Variants in ANKRD42 observed in about 807,000 individuals in gnomAD.
The protein encoded by ANKRD42 is ankyrin repeat domain 42, also known as ankyrin repeat domain-containing protein 42.
Under a neutral mutation model 51.5 loss-of-function variants are expected in ANKRD42, and 43 were observed. That is an observed-to-expected ratio of 0.83 (90% CI 0.65 to 1.08). The LOEUF is 1.08. Among genes scored for constraint, ANKRD42 ranks in the 50% least tolerant of loss-of-function variants. The pLI is 0.00. For synonymous variants in ANKRD42, 203 were observed against 213.0 expected, an observed-to-expected ratio of 0.95 and a Z score of 0.41; for missense variants, 608 against 629.3, an observed-to-expected ratio of 0.97 and a Z score of 0.36.
At chr11:83,246,242 GTTA>G (rs1402879748) in intron 10 of ANKRD42, among the ~76,000 whole-genome samples, 1 of 152,038 alleles carries the variant, frequency 6.6e-6, no homozygotes, top group Non-Finnish European at 1.5e-5. Context: ...TTTTTCCTTT[GTTA>G]TTATTCCATA....
intron 5 of ANKRD42, 115 bp from the exon 6 acceptor site, chr11:83,224,739 GT>G (rs1862820443): frequency 1.3e-6 from 1 of 756,906 alleles, no homozygotes; most frequent in Non-Finnish European, 1.9e-6. Flanking sequence ...AGCTATGATT[GT>G]GCCACTGCAC....
intron 10 of ANKRD42, among the ~76,000 whole-genome samples, chr11:83,246,677 G>A (rs536090972): frequency 6.4e-4 from 97 of 152,158 alleles, no homozygotes; most frequent in African/African-American, 1.8e-3. Flanking sequence ...GTCTTGTTCC[G>A]TCACACTCTT....
intron 7 of ANKRD42, among the ~76,000 whole-genome samples, chr11:83,233,725 C>T (rs1863147352): frequency 6.6e-6 from 1 of 152,160 alleles, no homozygotes; most frequent in Non-Finnish European, 1.5e-5. Flanking sequence ...CTGTGTCACC[C>T]ATGCTGGAGT....
intron 7 of ANKRD42, among the ~76,000 whole-genome samples, chr11:83,232,912 G>A (rs1407183005): frequency 6.6e-6 from 1 of 152,130 alleles, no homozygotes; most frequent in Non-Finnish European, 1.5e-5. Context: ...AATCATCGGT[G>A]TATCGCAGAG....
chr11:83,228,127 T>C (rs548364350), intron 7 of ANKRD42, among the ~76,000 whole-genome samples: 48 of 152,068 alleles, frequency 3.2e-4, no homozygotes, highest in Non-Finnish European at 5.4e-4. Flanking sequence ...GACATTGTCA[T>C]GTTAGTTAAG....
At chr11:83,198,113 A>G (rs1861729170) in intron 1 of ANKRD42, among the ~76,000 whole-genome samples, 1 of 152,206 alleles carries the variant, frequency 6.6e-6, no homozygotes, top group Non-Finnish European at 1.5e-5. Flanking sequence ...CTGGCAAGTC[A>G]TCAACATTAC....
At chr11:83,205,030 G>A (rs1262114962) in intron 2 of ANKRD42, among the ~76,000 whole-genome samples, 1 of 152,170 alleles carries the variant, frequency 6.6e-6, no homozygotes, top group Non-Finnish European at 1.5e-5. Flanking sequence ...TAAGGATATC[G>A]AGAAACTGGA....
At position 83,248,439 on chromosome 11, in the gene ANKRD42, A is replaced by G; in HGVS notation, c.*235A>G. On this transcript the variant is annotated 3_prime_UTR_variant, in exon 11 of 11. Coordinates refer to ENST00000533342, the MANE Select transcript of ANKRD42 (RefSeq NM_001300975.2). ...TATTATTGTTAACATTGTACCATAG[A>G]AGGAGAAAATGTTTTCATAAGTAAT... 1 of 1,192,628 alleles carries G rather than the reference A, an allele frequency of 8.4e-7. No homozygotes were observed. The highest frequency in any genetic ancestry group is 1.0e-6 in the Non-Finnish European group (1 of 964,686). 73.9% of individuals were successfully genotyped at this position (1,192,628 alleles called of 1,614,324 possible). A position where few individuals can be genotyped will look rare whatever the true frequency, so the allele number is the denominator to read the frequency against.
chr11:83,255,853 C>T (rs1211624732), exon 12 of ANKRD42: 19 of 1,527,656 alleles, frequency 1.2e-5, no homozygotes, highest in Admixed American at 2.0e-5. Context: ...AGGAAGACAG[C>T]GCTTCTTGTG....
Position 83,225,025 on chromosome 11 carries a change from T to A in ANKRD42, c.757T>A (p.Tyr253Asn). Residue 253 changes from tyrosine to asparagine, a missense_variant, in exon 6 of 11, where the codon TAT becomes AAT. Tyr to Asn is a moderately radical substitution (Grantham distance 143). Transcript: ENST00000533342. ...TTTACAGTTTATCCAGGGGGCTGAG[T>A]ATGAAGGAAAAGACCTAGAGGATCA... is the stretch of plus-strand genomic sequence containing the variant. ...NILQFIQGAE[Y>N]EGKDLEDQET... 6.2e-7 allele frequency: 1 copy of A among 1,612,714 alleles called. No homozygotes were observed. Among genetic ancestry groups the A allele is most frequent in the Non-Finnish European group, 8.5e-7 (1 of 1,179,170 alleles).
In ANKRD42 at chr11:83,227,840, G is replaced by A. The variant is rs536189501; in HGVS notation, c.881G>A (p.Arg294His). 3.0e-5 allele frequency: 49 copies of A among 1,611,998 alleles called. No homozygotes were observed. The highest frequency in any genetic ancestry group is 3.6e-5 in the Non-Finnish European group (42 of 1,179,304). The change falls in exon 7 of 11, where the codon CGT (arginine) becomes CAT (histidine). Residue 294 changes from arginine to histidine, a missense_variant. Physicochemically the swap from Arg to His is conservative, Grantham distance 29 (BLOSUM62 0). Coordinates refer to ENST00000533342, the MANE Select transcript of ANKRD42 (RefSeq NM_001300975.2). ...VEDGVININE[R>H]ADNGSTPMHK... ...GATGGAGTAATCAATATTAATGAGC[G>A]TGCTGATAATGGATCAACTCCTATG...
At chr11:83,243,089 A>G (rs1030020442) in intron 9 of ANKRD42, among the ~76,000 whole-genome samples, 15 of 152,168 alleles carry the variant, frequency 9.9e-5, no homozygotes, top group African/African-American at 3.6e-4. Flanking sequence ...TTACACTCCC[A>G]CCAGCAGTGT....
At chr11:83,213,338 C>T (rs757020816) in intron 5 of ANKRD42, 8 of 1,582,052 alleles carry the variant, frequency 5.1e-6, no homozygotes, top group Non-Finnish European at 6.8e-6. Flanking sequence ...GTGGAAAGAG[C>T]TGCCCAGCTG....
At chr11:83,223,178 A>C (rs1862767204) in intron 5 of ANKRD42, among the ~76,000 whole-genome samples, 1 of 152,148 alleles carries the variant, frequency 6.6e-6, no homozygotes, top group Non-Finnish European at 1.5e-5. Flanking sequence ...TGAACCCAGG[A>C]GGTGGAGGTT....
chr11:83,237,221 A>C (rs777292012), intron 8 of ANKRD42, among the ~76,000 whole-genome samples: 1 of 152,208 alleles, frequency 6.6e-6, no homozygotes, highest in East Asian at 1.9e-4. Context: ...TATTAATTCT[A>C]ATCATTATAC....
At chr11:83,239,122 G>A (rs894954750) in intron 8 of ANKRD42, among the ~76,000 whole-genome samples, 1 of 152,154 alleles carries the variant, frequency 6.6e-6, no homozygotes, top group African/African-American at 2.4e-5. Flanking sequence ...AAATAGGTAT[G>A]TAGTGGTAGC....
intron 2 of ANKRD42, 87 bp downstream of exon 2, chr11:83,198,729 G>A: frequency 8.0e-7 from 1 of 1,242,304 alleles, no homozygotes; most frequent in Non-Finnish European, 1.1e-6. Flanking sequence ...AGACCTTATG[G>A]TAGGTACTGC....
In ANKRD42 at chr11:83,227,872, G is replaced by T. The variant is rs1490587337; in HGVS notation, c.913G>T (p.Ala305Ser). Residue 305 changes from alanine to serine, a missense_variant and splice_region_variant, in exon 7 of 11, where the codon GCT (alanine) becomes TCT (serine). By Grantham distance (99) the Ala-to-Ser change is moderately conservative. Transcript: ENST00000533342. ...TAATGGATCAACTCCTATGCATAAA[G>T]GTGAGTTATGATTCCTCCTTTCAGT... ...ADNGSTPMHKAAGQGHIECLQ... is the reference protein window; with the variant it reads ...ADNGSTPMHKSAGQGHIECLQ... 2.5e-6 allele frequency: 4 copies of T among 1,599,192 alleles called. No individual in the cohort carries two copies. The highest frequency in any genetic ancestry group is 3.4e-6 in the Non-Finnish European group (4 of 1,175,478).
chr11:83,231,336 T>C (rs1241499228), intron 7 of ANKRD42, among the ~76,000 whole-genome samples: 2 of 152,244 alleles, frequency 1.3e-5, no homozygotes, highest in Non-Finnish European at 2.9e-5. Context: ...TTTTCATATA[T>C]CTGTTTGCCA....
Sources: gnomAD v4.1 joint callset for allele counts (sites outside exome capture counted in the v4.1 genomes callset) on GRCh38, gnomAD v4.1.1 for gene constraint, MANE v1.5 for transcripts, NCBI Gene and HGNC (gene_info 2026-07-23, HGNC 2026-07-21) for gene names.